Variants in MAP3K5 observed in about 807,000 individuals in gnomAD.
The protein encoded by MAP3K5 is ASK-1.
MAP3K5 carries 56 observed loss-of-function variants against 158.7 expected under a neutral mutation model. The ratio of observed to expected loss-of-function variants is 0.35; its 90% CI spans 0.28 to 0.44. The LOEUF (loss-of-function observed/expected upper bound fraction) is 0.44. Among genes scored for constraint, MAP3K5 ranks in the 20% least tolerant of loss-of-function variants. The probability of loss-of-function intolerance (pLI) is 1.00; values close to 1 mark genes in which losing one functional copy is unlikely to be tolerated. For missense variants in MAP3K5, 1,294 were observed against 1,674.8 expected, an observed-to-expected ratio of 0.77 and a Z score of 3.97; for synonymous variants, 579 against 601.7, an observed-to-expected ratio of 0.96 and a Z score of 0.55.
chr6:136,586,348 G>A (rs763729590), intron 23 of MAP3K5, among the ~76,000 whole-genome samples: 4 of 152,030 alleles, frequency 2.6e-5, no homozygotes, highest in African/African-American at 7.2e-5. Flanking sequence ...CTTTTTTTTC[G>A]ACATTAACTT....
intron 25 of MAP3K5, among the ~76,000 whole-genome samples, chr6:136,573,031 G>T (rs113067470): frequency 5.3e-5 from 8 of 152,286 alleles, no homozygotes; most frequent in African/African-American, 1.7e-4. Context: ...AATTATATAT[G>T]TCAACTTGAC....
chr6:136,728,087 A>T (rs150407860), intron 1 of MAP3K5, among the ~76,000 whole-genome samples: 29 of 152,240 alleles, frequency 1.9e-4, no homozygotes, highest in African/African-American at 6.5e-4. Context: ...AGTTAATGTT[A>T]AGTGGAGGAT....
At chr6:136,751,420 C>T (rs1030008721) in intron 1 of MAP3K5, among the ~76,000 whole-genome samples, 8 of 152,184 alleles carry the variant, frequency 5.3e-5, no homozygotes, top group Non-Finnish European at 1.0e-4. Flanking sequence ...GTTATGAGAA[C>T]TTTGGTCAAA....
chr6:136,762,142 C>G (rs1005014524), intron 1 of MAP3K5, among the ~76,000 whole-genome samples: 2 of 152,138 alleles, frequency 1.3e-5, no homozygotes, highest in African/African-American at 4.8e-5. Context: ...GAGAACAACA[C>G]TGTCAGTCTG....
chr6:136,783,828 G>A (rs902245020), intron 1 of MAP3K5, among the ~76,000 whole-genome samples: 1 of 152,240 alleles, frequency 6.6e-6, no homozygotes, highest in Admixed American at 6.5e-5. Flanking sequence ...ACCACTTGGA[G>A]GAAGTACTTG....
At chr6:136,689,658 G>C (rs568081094) in intron 7 of MAP3K5, among the ~76,000 whole-genome samples, 1 of 152,258 alleles carries the variant, frequency 6.6e-6, no homozygotes, top group South Asian at 2.1e-4. Flanking sequence ...CCTTTTAAAA[G>C]AACATGTTCA....
intron 1 of MAP3K5, among the ~76,000 whole-genome samples, chr6:136,734,421 GAAAAAAAAAA>G (rs1016817563): frequency 1.2e-4 from 7 of 56,738 alleles, no homozygotes; most frequent in African/African-American, 4.9e-4. Context: ...CTCTGTCTCG[GAAAAAAAAAA>G]AAAAAAAAAA....
chr6:136,577,836 T>C (rs924591287), intron 25 of MAP3K5, among the ~76,000 whole-genome samples: 1 of 152,270 alleles, frequency 6.6e-6, no homozygotes, highest in African/African-American at 2.4e-5. Flanking sequence ...TGGTATAAAC[T>C]ATTAACTAAA....
intron 3 of MAP3K5, among the ~76,000 whole-genome samples, chr6:136,704,868 C>A (rs889988155): frequency 1.3e-5 from 2 of 152,070 alleles, no homozygotes; most frequent in Non-Finnish European, 2.9e-5. Flanking sequence ...GAAACATTTT[C>A]TTCCAAAACA....
intron 1 of MAP3K5, among the ~76,000 whole-genome samples, chr6:136,733,730 C>T (rs1358660705): frequency 2.9e-5 from 4 of 137,346 alleles, no homozygotes; most frequent in Non-Finnish European, 5.9e-5. Flanking sequence ...CACACAGCCT[C>T]CCCCATTGTC....
intron 13 of MAP3K5, among the ~76,000 whole-genome samples, chr6:136,637,659 A>C: frequency 1.3e-5 from 1 of 76,876 alleles, no homozygotes; most frequent in East Asian, 4.5e-4. Flanking sequence ...CTTCTTGTAA[A>C]GTTTTTTTTT....
chr6:136,613,219 T>C lies in MAP3K5; in HGVS notation c.2316A>G (p.Pro772=), dbSNP rs764468992. ...CAATTGTTTGCTCATTGTCTTTTAA[T>C]GGACCCCATTTGGAACGAAGGAGAG... ...LSALLRSKWG[P]LKDNEQTIGF... is the part of the protein sequence containing the mutation. The change falls in exon 17 of 30, where the codon CCA becomes CCG. Residue 772 remains proline (P), a synonymous_variant. Coordinates refer to ENST00000359015, the MANE Select transcript of MAP3K5 (RefSeq NM_005923.4). The surrounding 1 kb of genome is among the most constrained non-coding windows in gnomAD (Gnocchi z 4.0). The C allele has an allele frequency of 1.4e-5, 22 of 1,613,528 alleles. No homozygotes were observed. The Admixed American group carries it at 3.7e-4, about 27-fold the overall frequency.
intron 11 of MAP3K5, among the ~76,000 whole-genome samples, chr6:136,642,838 T>C (rs1310080985): frequency 1.3e-5 from 2 of 152,204 alleles, no homozygotes; most frequent in Non-Finnish European, 2.9e-5. Context: ...AAACTTGATA[T>C]CTAGTAATAA....
intron 15 of MAP3K5, among the ~76,000 whole-genome samples, chr6:136,620,673 C>G (rs1292356454): frequency 6.6e-6 from 1 of 152,178 alleles, no homozygotes. Context: ...TAATAATAAC[C>G]ATCTATTAAA....
chr6:136,639,421 A>G, intron 13 of MAP3K5, 122 bp downstream of exon 13: 2 of 531,250 alleles, frequency 3.8e-6, no homozygotes, highest in Admixed American at 8.0e-5. Flanking sequence ...TATTAGCCCA[A>G]ATAAAATATT....
chr6:136,681,873 C>G (rs1016354833), intron 7 of MAP3K5, among the ~76,000 whole-genome samples: 6 of 151,964 alleles, frequency 3.9e-5, no homozygotes, highest in African/African-American at 1.5e-4. Context: ...GAGCCAAGAT[C>G]GTGCCATTGC....
chr6:136,704,879 T>C (rs1781005375), intron 3 of MAP3K5, among the ~76,000 whole-genome samples: 1 of 152,076 alleles, frequency 6.6e-6, no homozygotes, highest in Non-Finnish European at 1.5e-5. Flanking sequence ...TTCCAAAACA[T>C]AATTATATGC....
chr6:136,737,921 G>A (rs574931946), intron 1 of MAP3K5, among the ~76,000 whole-genome samples: 1 of 152,336 alleles, frequency 6.6e-6, no homozygotes, highest in East Asian at 1.9e-4. Flanking sequence ...TAAGCCTTGA[G>A]AAGTGGTAGA....
chr6:136,675,808 G>C (rs1440897636), intron 7 of MAP3K5, among the ~76,000 whole-genome samples: 9 of 152,038 alleles, frequency 5.9e-5, no homozygotes, highest in Non-Finnish European at 1.3e-4. Context: ...AAAGAAAATA[G>C]TGTCAAAATG....
Sources: gnomAD v4.1 joint callset for allele counts (sites outside exome capture counted in the v4.1 genomes callset) on GRCh38, gnomAD v4.1.1 for gene constraint, Gnocchi (gnomAD v3.1) non-coding constraint, MANE v1.5 for transcripts, NCBI Gene and HGNC (gene_info 2026-07-23, HGNC 2026-07-21) for gene names.